SH3PXD2B: variants seen among roughly 807,000 people sequenced by gnomAD.
SH3PXD2B encodes SH3 and PX domain-containing protein 2B.
In SH3PXD2B, 37 loss-of-function variants were observed where a neutral mutation model predicts 73.1. The observed-to-expected ratio is 0.51, with a 90% CI of 0.39 to 0.67. SH3PXD2B has a LOEUF of 0.67. SH3PXD2B is among the 30% of genes least tolerant of loss of function. The probability of loss-of-function intolerance (pLI) is 0.00; values close to 1 mark genes in which losing one functional copy is unlikely to be tolerated. For missense variants in SH3PXD2B, 1,053 were observed against 1,197.8 expected (o/e 0.88, Z 1.78); for synonymous variants, 457 against 480.5 (o/e 0.95, Z 0.64).
intron 1 of SH3PXD2B, among the ~76,000 whole-genome samples, chr5:172,449,798 T>G (rs1209564626): frequency 2.0e-5 from 3 of 152,284 alleles, no homozygotes; most frequent in Non-Finnish European, 4.4e-5. Context: ...CCCAAGACCG[T>G]GGGACCCTGT....
intron 1 of SH3PXD2B, among the ~76,000 whole-genome samples, chr5:172,442,636 A>C (rs17074823): frequency 0.019 from 2,871 of 152,332 alleles, 102 homozygotes; most frequent in African/African-American, 0.065. Flanking sequence ...ATATGTGGTC[A>C]TTCCAGATGG....
At chr5:172,416,690 CTCTCTCTTTTTTTTTT>C (rs1758831149) in intron 2 of SH3PXD2B, among the ~76,000 whole-genome samples, 1 of 95,098 alleles carries the variant, frequency 1.1e-5, no homozygotes, top group African/African-American at 5.3e-5. Flanking sequence ...CTCTCTCTCT[CTCTCTCTTTTTTTTTT>C]TTTTTTTTTT....
chr5:172,349,079 A>AAT (rs764290345), intron 10 of SH3PXD2B, among the ~76,000 whole-genome samples: 1 of 152,206 alleles, frequency 6.6e-6, no homozygotes, highest in Non-Finnish European at 1.5e-5. Context: ...AGTTAATGGG[A>AAT]ATACATCTAA....
chr5:172,346,281 G>C lies in SH3PXD2B; in HGVS notation c.1063-20C>G, dbSNP rs774610387. ...TCGAGGCTGGTACGATCACACACAG[G>C]GTTATCTCCAAGGCTAAGTGCACTC... On this transcript the variant is annotated intron_variant, in intron 11 of 12. Transcript: ENST00000311601. The C allele has an allele frequency of 1.2e-6, 2 of 1,613,312 alleles. No homozygotes were observed. The highest frequency in any genetic ancestry group is 1.1e-5 in the South Asian group (1 of 91,066).
intron 8 of SH3PXD2B, among the ~76,000 whole-genome samples, chr5:172,357,380 T>A (rs1476136): frequency 1.3e-5 from 2 of 150,936 alleles, no homozygotes; most frequent in African/African-American, 4.9e-5. Context: ...GCCGAGATCA[T>A]GCCACTGTAC....
chr5:172,371,526 T>C (rs1355301378), intron 6 of SH3PXD2B, among the ~76,000 whole-genome samples: 6 of 152,170 alleles, frequency 3.9e-5, no homozygotes, highest in Non-Finnish European at 2.9e-5. Flanking sequence ...TATTCTAAAA[T>C]AAAGGAAGTG....
At chr5:172,347,141 T>A in intron 11 of SH3PXD2B, 142 bp downstream of exon 11, 1 of 848,886 alleles carries the variant, frequency 1.2e-6, no homozygotes, top group Non-Finnish European at 1.9e-6. Context: ...GGACTAGCAT[T>A]TCTACAGCCT....
At position 172,338,591 on chromosome 5, in the gene SH3PXD2B, T is replaced by C. The variant is rs937180316; in HGVS notation, c.2514A>G (p.Lys838=). 2 of 1,614,142 alleles carry C rather than the reference T, an allele frequency of 1.2e-6. No individual in the cohort carries two copies. The highest frequency in any genetic ancestry group is 2.2e-5 in the East Asian group (1 of 44,878). ...GTGKIGENRE[K]AAAASVPNAD... The stretch of plus-strand genomic sequence containing the variant: ...CATTGGGGACAGAGGCTGCAGCTGC[T>C]TTCTCCCTGTTTTCTCCAATCTTGC... The change falls in exon 13 of 13, where the codon AAA becomes AAG. Residue 838 remains lysine, a synonymous_variant. Transcript: ENST00000311601. This position sits in a 1 kb window ranked among gnomAD's most constrained non-coding sequence, Gnocchi z 5.1.
downstream of SH3PXD2B, among the ~76,000 whole-genome samples, chr5:172,328,641 T>C (rs1269593513): frequency 1.3e-5 from 2 of 152,124 alleles, no homozygotes; most frequent in East Asian, 3.8e-4. Flanking sequence ...AGAATCTGGC[T>C]TAGGTGTGGT....
chr5:172,339,194 C>A lies in SH3PXD2B; in HGVS notation c.1911G>T (p.Lys637Asn), dbSNP rs1174937089. ...PDATPQNPFL[K>N]SRPQVRPKPA... ...GTTTTGGCCTAACCTGAGGTCTGGA[C>A]TTCAAGAAGGGATTCTGGGGAGTGG... The change falls in exon 13 of 13, where the codon AAG becomes AAT. Residue 637 changes from lysine (K) to asparagine (N), a missense_variant. By Grantham distance (94) the Lys-to-Asn change is moderately conservative. Around this residue, in one of 2 missense-constraint regions of SH3PXD2B, gnomAD observed 587 missense variants for 590.7 expected, o/e 0.99. Transcript: ENST00000311601. This position sits in a 1 kb window ranked among gnomAD's most constrained non-coding sequence, Gnocchi z 6.1. 1.2e-6 allele frequency: 2 copies of A among 1,614,100 alleles called. No individual in the cohort carries two copies. The highest frequency in any genetic ancestry group is 1.7e-6 in the Non-Finnish European group (2 of 1,180,054).
chr5:172,333,408 G>T, downstream of SH3PXD2B: 1 of 750,362 alleles, frequency 1.3e-6, no homozygotes, highest in Non-Finnish European at 1.7e-6. Context: ...AACATAGCTG[G>T]CATAGGTTTC....
intron 12 of SH3PXD2B, among the ~76,000 whole-genome samples, chr5:172,343,677 C>G (rs1026441347): frequency 6.6e-6 from 1 of 151,938 alleles, no homozygotes; most frequent in East Asian, 1.9e-4. Flanking sequence ...TGATGGCAGG[C>G]GCCTGTAATC....
chr5:172,368,606 A>ATAAT (rs1491452019), intron 6 of SH3PXD2B, among the ~76,000 whole-genome samples: 2 of 19,250 alleles, frequency 1.0e-4, no homozygotes, highest in African/African-American at 7.8e-4. Context: ...TTATATATAT[A>ATAAT]ATATATATGT....
chr5:172,348,700 TATCTATC>T (rs1301100564), intron 10 of SH3PXD2B, among the ~76,000 whole-genome samples: 3 of 38,220 alleles, frequency 7.8e-5, no homozygotes, highest in African/African-American at 7.3e-5. Context: ...TCTATCTATC[TATCTATC>T]TATTTATTTA....
At chr5:172,381,197 G>A (rs1208746488) in intron 5 of SH3PXD2B, among the ~76,000 whole-genome samples, 4 of 152,190 alleles carry the variant, frequency 2.6e-5, no homozygotes, top group African/African-American at 4.8e-5. Flanking sequence ...TCCAGCGAAC[G>A]CAGCGCCAAG....
chr5:172,440,217 G>A (rs952578814), intron 1 of SH3PXD2B, among the ~76,000 whole-genome samples: 2 of 152,244 alleles, frequency 1.3e-5, no homozygotes, highest in African/African-American at 4.8e-5. Flanking sequence ...CCCACTACGC[G>A]CAAGGCAGTA....
At chr5:172,382,409 C>T (rs1460348003) in intron 4 of SH3PXD2B, among the ~76,000 whole-genome samples, 2 of 152,026 alleles carry the variant, frequency 1.3e-5, no homozygotes, top group Non-Finnish European at 2.9e-5. Flanking sequence ...CTCTCAGACT[C>T]GGGAAGGCAC....
intron 8 of SH3PXD2B, 85 bp from the exon 9 acceptor site, chr5:172,354,090 G>A: frequency 5.3e-6 from 7 of 1,316,788 alleles, no homozygotes; most frequent in African/African-American, 1.4e-5. Flanking sequence ...CTTGCCCGTC[G>A]GAGGGAGGAT....
At chr5:172,390,583 T>A (rs1255453764) in intron 4 of SH3PXD2B, among the ~76,000 whole-genome samples, 1 of 152,158 alleles carries the variant, frequency 6.6e-6, no homozygotes, top group Non-Finnish European at 1.5e-5. Context: ...AAAAGATATG[T>A]CTATTGTATG....
Sources: allele counts gnomAD v4.1 joint callset (sites outside exome capture counted in the v4.1 genomes callset), GRCh38; gene constraint gnomAD v4.1.1; regional missense constraint gnomAD v4.1.1; non-coding constraint Gnocchi (gnomAD v3.1); transcripts MANE v1.5; gene names NCBI Gene and HGNC (gene_info 2026-07-23, HGNC 2026-07-21).